LRRTM4: variants seen among roughly 807,000 people sequenced by gnomAD.
The protein encoded by LRRTM4 is leucine-rich repeat transmembrane neuronal protein 4.
LRRTM4 carries 25 observed loss-of-function variants against 47.6 expected under a neutral mutation model. The observed-to-expected ratio is 0.53, with a 90% CI of 0.38 to 0.73. LRRTM4 has a LOEUF of 0.73. LRRTM4 is among the 30% of genes least tolerant of loss of function. The pLI, the probability that LRRTM4 is intolerant of heterozygous loss-of-function variation, is 0.00. For missense variants in LRRTM4, 638 were observed against 713.4 expected (o/e 0.89, Z 1.20); for synonymous variants, 311 against 269.5 (o/e 1.15, Z -1.51).
At chr2:77,264,088 A>G (rs1016471733) in intron 3 of LRRTM4, among the ~76,000 whole-genome samples, 3 of 152,094 alleles carry the variant, frequency 2.0e-5, no homozygotes, top group Admixed American at 2.0e-4. Flanking sequence ...TCAGAATTGC[A>G]TATGGGAAAG....
chr2:76,898,945 C>T (rs893494643), intron 3 of LRRTM4, among the ~76,000 whole-genome samples: 1 of 151,962 alleles, frequency 6.6e-6, no homozygotes, highest in Non-Finnish European at 1.5e-5. Context: ...GGTTAATCTT[C>T]CCAGAAACAG....
chr2:77,504,455 G>A (rs989983617), intron 3 of LRRTM4, among the ~76,000 whole-genome samples: 2 of 151,612 alleles, frequency 1.3e-5, no homozygotes, highest in Non-Finnish European at 3.0e-5. Flanking sequence ...ATGTCAGAGA[G>A]TATTGGTGGA....
chr2:77,005,402 C>T (rs1677605184), intron 3 of LRRTM4, among the ~76,000 whole-genome samples: 2 of 152,180 alleles, frequency 1.3e-5, no homozygotes, highest in Admixed American at 6.5e-5. Context: ...CTTGGCCTCC[C>T]AAAGTGCTGG....
chr2:76,889,405 C>T (rs1261778232), intron 3 of LRRTM4, among the ~76,000 whole-genome samples: 4 of 151,826 alleles, frequency 2.6e-5, no homozygotes, highest in Non-Finnish European at 4.4e-5. Flanking sequence ...GAGAAGAGTT[C>T]TTTCTTGAAA....
chr2:76,802,571 A>C (rs1675756903), intron 3 of LRRTM4, among the ~76,000 whole-genome samples: 1 of 152,134 alleles, frequency 6.6e-6, no homozygotes, highest in African/African-American at 2.4e-5. Context: ...ATCCCTATCA[A>C]CATTCCAATG....
At chr2:77,209,760 G>T (rs935804221) in intron 3 of LRRTM4, among the ~76,000 whole-genome samples, 2 of 152,164 alleles carry the variant, frequency 1.3e-5, no homozygotes, top group African/African-American at 4.8e-5. Flanking sequence ...GCTCTGACCT[G>T]AATAATCACA....
chr2:76,830,195 A>C (rs1573179570), intron 3 of LRRTM4, among the ~76,000 whole-genome samples: 1 of 152,050 alleles, frequency 6.6e-6, no homozygotes, highest in East Asian at 1.9e-4. Flanking sequence ...AGATTCTTCC[A>C]TATCTATAGT....
intron 3 of LRRTM4, among the ~76,000 whole-genome samples, chr2:77,121,693 C>T (rs902186090): frequency 3.3e-5 from 5 of 151,778 alleles, no homozygotes; most frequent in Admixed American, 6.6e-5. Flanking sequence ...ACTGGACTTT[C>T]GTAATTTGAA....
At chr2:76,991,988 A>C (rs1677025274) in intron 3 of LRRTM4, among the ~76,000 whole-genome samples, 1 of 151,912 alleles carries the variant, frequency 6.6e-6, no homozygotes, top group African/African-American at 2.4e-5. Flanking sequence ...AACATGCACA[A>C]GTCATTAAAT....
intron 3 of LRRTM4, among the ~76,000 whole-genome samples, chr2:77,002,747 T>C (rs891486706): frequency 7.2e-5 from 11 of 152,146 alleles, no homozygotes; most frequent in African/African-American, 2.4e-4. Flanking sequence ...AAGATTGTCT[T>C]TTTCTCATCA....
intron 3 of LRRTM4, among the ~76,000 whole-genome samples, chr2:77,344,937 T>C (rs1671507512): frequency 6.6e-6 from 1 of 151,638 alleles, no homozygotes; most frequent in African/African-American, 2.4e-5. Flanking sequence ...GCCCCAAATC[T>C]ATGATCAATT....
chr2:77,312,241 T>C (rs567879327), intron 3 of LRRTM4, among the ~76,000 whole-genome samples: 1 of 151,818 alleles, frequency 6.6e-6, no homozygotes, highest in African/African-American at 2.4e-5. Flanking sequence ...TAATTGGGTG[T>C]CACTTAAATC....
chr2:76,812,596 T>C (rs1366312077), intron 3 of LRRTM4, among the ~76,000 whole-genome samples: 1 of 152,162 alleles, frequency 6.6e-6, no homozygotes, highest in Non-Finnish European at 1.5e-5. Context: ...TAATTCAGTA[T>C]AATTATTGGC....
intron 3 of LRRTM4, among the ~76,000 whole-genome samples, chr2:76,884,728 C>G (rs1333349885): frequency 6.6e-6 from 1 of 152,032 alleles, no homozygotes; most frequent in Non-Finnish European, 1.5e-5. Context: ...TAAGTTATGT[C>G]AAAAGCTTTT....
In LRRTM4 at chr2:76,955,333, C is replaced by T. The variant is rs182649179; in HGVS notation, c.1552-206417G>A. On this transcript the variant is annotated intron_variant, in intron 3 of 3. Transcript: ENST00000409884. ...CTTGTGACATCAATGTAAAAAAGTC[C>T]GTTGGGAGAAAAAAAGTGTAGTGTT... is the stretch of plus-strand genomic sequence containing the variant. Among the ~76,000 whole-genome samples the T allele has an allele frequency of 1.1e-4, 16 of 151,442 alleles. No homozygotes were observed. In the East Asian group the frequency reaches 1.2e-3, roughly 11 times the overall value.
At chr2:77,481,668 C>T (rs1677708572) in intron 3 of LRRTM4, among the ~76,000 whole-genome samples, 2 of 152,106 alleles carry the variant, frequency 1.3e-5, no homozygotes, top group Middle Eastern at 3.4e-3. Context: ...ATGTTCTTTG[C>T]TTCTTAATTT....
intron 3 of LRRTM4, among the ~76,000 whole-genome samples, chr2:77,073,304 G>GA (rs887211180): frequency 1.1e-4 from 17 of 151,522 alleles, no homozygotes; most frequent in African/African-American, 3.6e-4. Flanking sequence ...ATACTTATTG[G>GA]AAAAAATTAG....
chr2:77,125,408 T>G (rs1671627523), intron 3 of LRRTM4, among the ~76,000 whole-genome samples: 1 of 152,182 alleles, frequency 6.6e-6, no homozygotes, highest in African/African-American at 2.4e-5. Flanking sequence ...TTCTCACTTT[T>G]GTCATTGGAG....
At chr2:77,453,297 TCAGCCTCTCAAG>T in intron 3 of LRRTM4, among the ~76,000 whole-genome samples, 2 of 148,918 alleles carry the variant, frequency 1.3e-5, no homozygotes, top group Middle Eastern at 6.9e-3. Context: ...TTCTCCTGCC[TCAGCCTCTCAAG>T]CAGCTGGGAC....
Sources: gnomAD v4.1 joint callset for allele counts (sites outside exome capture counted in the v4.1 genomes callset) on GRCh38, gnomAD v4.1.1 for gene constraint, MANE v1.5 for transcripts, NCBI Gene and HGNC (gene_info 2026-07-23, HGNC 2026-07-21) for gene names.